Variants in ANKRD30BL observed in about 807,000 individuals in gnomAD.
ANKRD30BL encodes ankyrin repeat domain 30B like.
ANKRD30BL carries 20 observed loss-of-function variants against 18.4 expected under a neutral mutation model. That is an observed-to-expected ratio of 1.09 (90% confidence interval 0.77 to 1.58). The LOEUF (loss-of-function observed/expected upper bound fraction) is 1.58. Among genes scored for constraint, ANKRD30BL ranks in the 40% most tolerant of loss-of-function variants. The pLI is 0.00. For missense variants in ANKRD30BL, 224 were observed against 268.6 expected (o/e 0.83, Z 1.16); for synonymous variants, 72 against 100.9 (o/e 0.71, Z 1.72).
intron 1 of ANKRD30BL, among the ~76,000 whole-genome samples, chr2:132,211,849 T>C (rs1044869088): frequency 5.3e-5 from 8 of 152,138 alleles, no homozygotes; most frequent in Middle Eastern, 3.4e-3. Context: ...ACTCTTTTTG[T>C]AGAATCTGCA....
chr2:132,252,532 C>T (rs570564863), intron 1 of ANKRD30BL, among the ~76,000 whole-genome samples: 2,261 of 9,998 alleles, frequency 0.23, 56 homozygotes, highest in African/African-American at 0.38. Flanking sequence ...ACGTGCCGGG[C>T]GGGTGGGGGG....
intron 1 of ANKRD30BL, among the ~76,000 whole-genome samples, chr2:132,189,033 T>A (rs1442792369): frequency 6.6e-6 from 1 of 152,020 alleles, no homozygotes; most frequent in Non-Finnish European, 1.5e-5. Flanking sequence ...CAGTCACAGG[T>A]TATACCAATT....
At chr2:132,228,646 T>C (rs1679912031) in intron 1 of ANKRD30BL, among the ~76,000 whole-genome samples, 1 of 150,964 alleles carries the variant, frequency 6.6e-6, no homozygotes, top group Admixed American at 6.6e-5. Flanking sequence ...TTCTTTGTGA[T>C]GTGTGCTTAC....
intron 1 of ANKRD30BL, among the ~76,000 whole-genome samples, chr2:132,215,588 CAG>C (rs1679476502): frequency 2.0e-5 from 3 of 152,056 alleles, no homozygotes; most frequent in Admixed American, 2.0e-4. Flanking sequence ...ATTCATCTCA[CAG>C]AGTTGATCAA....
chr2:132,174,430 G>T (rs1389293559), intron 1 of ANKRD30BL, among the ~76,000 whole-genome samples: 2 of 152,148 alleles, frequency 1.3e-5, no homozygotes, highest in Non-Finnish European at 2.9e-5. Context: ...GTCATAACTT[G>T]CAGGAGTCTC....
intron 1 of ANKRD30BL, among the ~76,000 whole-genome samples, chr2:132,175,628 T>A (rs1200903356): frequency 6.6e-6 from 1 of 152,214 alleles, no homozygotes; most frequent in Non-Finnish European, 1.5e-5. Flanking sequence ...GGTCAGGTCT[T>A]TCTCATCCCA....
intron 1 of ANKRD30BL, among the ~76,000 whole-genome samples, chr2:132,251,396 G>A (rs79756812): frequency 4.2e-4 from 34 of 80,176 alleles, no homozygotes; most frequent in South Asian, 1.4e-3. Flanking sequence ...CTACCACTTC[G>A]ACAGTCAAGA....
chr2:132,221,181 C>G (rs562006955), intron 1 of ANKRD30BL, among the ~76,000 whole-genome samples: 4,818 of 130,162 alleles, frequency 0.037, 452 homozygotes, highest in African/African-American at 0.18. Flanking sequence ...ACCCCATCCG[C>G]GAGGGAGGTG....
chr2:132,253,825 G>A (rs72869414), intron 1 of ANKRD30BL, among the ~76,000 whole-genome samples: 5 of 152,012 alleles, frequency 3.3e-5, no homozygotes, highest in Admixed American at 6.5e-5. Context: ...ACCGGCATCC[G>A]GCCCCCTACC....
intron 1 of ANKRD30BL, among the ~76,000 whole-genome samples, chr2:132,224,795 G>A (rs113303956): frequency 3.2e-4 from 49 of 151,994 alleles, no homozygotes; most frequent in Admixed American, 8.5e-4. Context: ...TGAGGCATTC[G>A]ATGGAAATGG....
upstream of ANKRD30BL, among the ~76,000 whole-genome samples, chr2:132,165,265 T>A (rs1688167393): frequency 6.6e-6 from 1 of 152,104 alleles, no homozygotes; most frequent in African/African-American, 2.4e-5. Context: ...AGTTTTTTTT[T>A]TTTTTCCATT....
chr2:132,249,771 C>A (rs1414065454), intron 1 of ANKRD30BL, among the ~76,000 whole-genome samples: 4 of 150,876 alleles, frequency 2.7e-5, no homozygotes, highest in Non-Finnish European at 4.4e-5. Flanking sequence ...CACACACAAC[C>A]AGGAATTTTC....
chr2:132,194,131 C>G (rs921661560), intron 1 of ANKRD30BL, among the ~76,000 whole-genome samples: 1 of 152,146 alleles, frequency 6.6e-6, no homozygotes, highest in African/African-American at 2.4e-5. Flanking sequence ...TTCTCTCCCC[C>G]TCACACGACT....
At chr2:132,187,181 TTTG>T (rs1423804420) in intron 1 of ANKRD30BL, among the ~76,000 whole-genome samples, 38 of 137,920 alleles carry the variant, frequency 2.8e-4, no homozygotes, top group Non-Finnish European at 3.9e-4. Flanking sequence ...TGTTTTTTTT[TTTG>T]TTTGTTTTTT....
At chr2:132,163,621 A>G (rs1688130833), upstream of ANKRD30BL, among the ~76,000 whole-genome samples, 1 of 152,222 alleles carries the variant, frequency 6.6e-6, no homozygotes, top group South Asian at 2.1e-4. Flanking sequence ...TTGAAGAATT[A>G]AAACCCACAG....
chr2:132,157,238 G>A, intron 2 of ANKRD30BL, 71 bp downstream of exon 2: 1 of 1,023,256 alleles, frequency 9.8e-7, no homozygotes, highest in East Asian at 2.7e-5. Context: ...ATTTCAATGA[G>A]ATAGATTCAT....
intron 1 of ANKRD30BL, among the ~76,000 whole-genome samples, chr2:132,169,964 TTTA>T (rs1267176759): frequency 6.6e-6 from 1 of 152,200 alleles, no homozygotes; most frequent in Non-Finnish European, 1.5e-5. Flanking sequence ...GTTTTAAGGA[TTTA>T]TTTTTTGCCT....
intron 1 of ANKRD30BL, among the ~76,000 whole-genome samples, chr2:132,212,150 AAC>A (rs1448455765): frequency 6.7e-6 from 1 of 149,750 alleles, no homozygotes; most frequent in African/African-American, 2.5e-5. Flanking sequence ...CACAGTGTTG[AAC>A]ATTTTTTTTT....
At chr2:132,232,390 C>A (rs557292160) in intron 1 of ANKRD30BL, among the ~76,000 whole-genome samples, 22 of 152,192 alleles carry the variant, frequency 1.4e-4, no homozygotes, top group Admixed American at 1.0e-3. Flanking sequence ...TTACTCTGAG[C>A]TATGGGAGGA....
Sources: gnomAD v4.1 joint callset for allele counts (sites outside exome capture counted in the v4.1 genomes callset) on GRCh38, gnomAD v4.1.1 for gene constraint, MANE v1.5 for transcripts, NCBI Gene and HGNC (gene_info 2026-07-23, HGNC 2026-07-21) for gene names.